Variants in UGT1A6 observed in about 807,000 individuals in gnomAD.
UGT1A6 encodes UDP-glucuronosyltransferase 1A6.
Under a neutral mutation model 44.4 loss-of-function variants are expected in UGT1A6, and 32 were observed. The ratio of observed to expected loss-of-function variants is 0.72; its 90% CI spans 0.54 to 0.97. The LOEUF (loss-of-function observed/expected upper bound fraction) is 0.97, where lower values mean the gene tolerates loss of function less well. Among genes scored for constraint, UGT1A6 ranks in the 50% least tolerant of loss-of-function variants. UGT1A6 has a pLI of 0.00. For synonymous variants in UGT1A6, 238 were observed against 248.5 expected (o/e 0.96, Z 0.40); for missense variants, 685 against 661.9 (o/e 1.03, Z -0.38).
chr2:233,764,840 A>T (rs903559567), intron 1 of UGT1A6, among the ~76,000 whole-genome samples: 2 of 151,474 alleles, frequency 1.3e-5, no homozygotes, highest in African/African-American at 4.9e-5. Flanking sequence ...GGGGAGGATG[A>T]CTCTGTCCTC....
intron 1 of UGT1A6, chr2:233,713,413 T>C (rs749800314): frequency 6.2e-7 from 1 of 1,614,190 alleles, no homozygotes; most frequent in Non-Finnish European, 8.5e-7. Context: ...ATCAGGCACC[T>C]GCATGCTACT....
chr2:233,733,103 T>G lies in UGT1A6; in HGVS notation c.862-33931T>G, dbSNP rs137950812. ...AATGGGAGTTCACTCATGGTTTGGC[T>G]CTGTTTGTCTGTTATTGGTGTATAG... On this transcript the variant is annotated intron_variant, in intron 1 of 4. Coordinates refer to ENST00000305139, the MANE Select transcript of UGT1A6 (RefSeq NM_001072.4). Among the ~76,000 whole-genome samples the G allele has an allele frequency of 9.9e-3, 1,505 of 152,334 alleles. 21 individuals are homozygous for G. Among genetic ancestry groups the G allele is most frequent in the African/African-American group, 0.035 (1,436 of 41,572 alleles).
intron 1 of UGT1A6, chr2:233,754,630 T>C (rs1285371125): frequency 2.2e-6 from 1 of 445,558 alleles, no homozygotes; most frequent in East Asian, 7.0e-5. Flanking sequence ...ACTTCCACCC[T>C]TTCTTGGCCA....
At chr2:233,761,914 T>C (rs28900396) in intron 1 of UGT1A6, among the ~76,000 whole-genome samples, 9,111 of 152,302 alleles carry the variant, frequency 0.06, 854 homozygotes, top group African/African-American at 0.21. Flanking sequence ...GAGGATCTAC[T>C]GGCAGCCCAG....
chr2:233,716,324 A>G (rs1170478675), intron 1 of UGT1A6, among the ~76,000 whole-genome samples: 4 of 152,226 alleles, frequency 2.6e-5, no homozygotes, highest in Non-Finnish European at 5.9e-5. Flanking sequence ...AATGGAATAT[A>G]TTCCCAGGTT....
chr2:233,739,861 AT>A (rs1559383666), intron 1 of UGT1A6, among the ~76,000 whole-genome samples: 1 of 151,974 alleles, frequency 6.6e-6, no homozygotes, highest in African/African-American at 2.4e-5. Context: ...AGAGGGCAGA[AT>A]GATATGATTT....
At chr2:233,748,842 G>A (rs562838283) in intron 1 of UGT1A6, among the ~76,000 whole-genome samples, 4 of 151,506 alleles carry the variant, frequency 2.6e-5, no homozygotes, top group South Asian at 2.1e-4. Context: ...ATAAAACTGT[G>A]AGCGTATAAG....
chr2:233,692,317 A>G (rs1204507929), upstream of UGT1A6: 1 of 153,522 alleles, frequency 6.5e-6, no homozygotes, highest in Non-Finnish European at 1.4e-5. Context: ...TTTGTAATAA[A>G]CCAAACCTAG....
chr2:233,716,876 G>C (rs1278140723), intron 1 of UGT1A6, among the ~76,000 whole-genome samples: 4 of 152,084 alleles, frequency 2.6e-5, no homozygotes, highest in Non-Finnish European at 5.9e-5. Flanking sequence ...AAGTCTATCT[G>C]TGCAGCCCAG....
chr2:233,734,166 G>A (rs959172847), intron 1 of UGT1A6, among the ~76,000 whole-genome samples: 2 of 151,962 alleles, frequency 1.3e-5, no homozygotes, highest in Non-Finnish European at 2.9e-5. Flanking sequence ...GACTTTTTTT[G>A]GTTGGTAGGC....
intron 1 of UGT1A6, chr2:233,743,684 G>A (rs753997745): frequency 1.5e-6 from 2 of 1,367,252 alleles, no homozygotes; most frequent in Non-Finnish European, 2.0e-6. Context: ...CCTGCCGCCT[G>A]TGCAGCCGCC....
At chr2:233,716,708 A>G (rs545816882) in intron 1 of UGT1A6, among the ~76,000 whole-genome samples, 1 of 152,306 alleles carries the variant, frequency 6.6e-6, no homozygotes, top group South Asian at 2.1e-4. Flanking sequence ...TAAAAACACT[A>G]AAGAGTTCCA....
At chr2:233,741,745 T>C (rs1691762813) in intron 1 of UGT1A6, 2 of 151,906 alleles carry the variant, frequency 1.3e-5, no homozygotes, top group African/African-American at 4.9e-5. Context: ...TCACACTCTT[T>C]GTTGGTTAAT....
At position 233,742,072 on chromosome 2, in the gene UGT1A6, G is replaced by A. The variant is rs147639323; in HGVS notation, c.862-24962G>A. The A allele has an allele frequency of 2.6e-5, 4 of 151,962 alleles. 1 individual carries two copies. Among genetic ancestry groups the A allele is most frequent in the African/African-American group, 9.7e-5 (4 of 41,216 alleles). The allele number at this position is 151,962 out of a possible 1,614,324, so 9.4% of individuals were successfully genotyped here. ...GGATAGTTCTGTGTGGCCTTATGGA[G>A]ATCCTTTTTTTACATTTCCAGGACC... On this transcript the variant is annotated intron_variant, in intron 1 of 4. Coordinates refer to ENST00000305139, the MANE Select transcript of UGT1A6 (RefSeq NM_001072.4).
At chr2:233,723,435 C>T (rs1211906407) in intron 1 of UGT1A6, among the ~76,000 whole-genome samples, 2 of 136,680 alleles carry the variant, frequency 1.5e-5, no homozygotes, top group East Asian at 4.4e-4. Context: ...GTCTCGAACT[C>T]CTGACCTCAG....
chr2:233,712,144 G>T (rs2076216635), intron 1 of UGT1A6, among the ~76,000 whole-genome samples: 1 of 152,218 alleles, frequency 6.6e-6, no homozygotes, highest in African/African-American at 2.4e-5. Flanking sequence ...TCAGCATTCA[G>T]AAGAGGAATT....
chr2:233,702,722 A>G (rs2075703020), intron 1 of UGT1A6, among the ~76,000 whole-genome samples: 1 of 152,198 alleles, frequency 6.6e-6, no homozygotes, highest in Non-Finnish European at 1.5e-5. Flanking sequence ...ATTGAAATGA[A>G]CATGGTTTTC....
intron 1 of UGT1A6, among the ~76,000 whole-genome samples, chr2:233,726,813 T>C (rs2077563444): frequency 6.6e-6 from 1 of 152,232 alleles, no homozygotes; most frequent in Non-Finnish European, 1.5e-5. Context: ...GAGGTTTTCC[T>C]CTATTCGACC....
intron 1 of UGT1A6, among the ~76,000 whole-genome samples, chr2:233,736,107 T>G (rs1391401808): frequency 6.6e-6 from 1 of 152,266 alleles, no homozygotes; most frequent in Non-Finnish European, 1.5e-5. Flanking sequence ...AAGAGTGTTT[T>G]CCAACTTGTT....
Sources: allele counts gnomAD v4.1 joint callset (sites outside exome capture counted in the v4.1 genomes callset), GRCh38; gene constraint gnomAD v4.1.1; transcripts MANE v1.5; gene names NCBI Gene and HGNC (gene_info 2026-07-23, HGNC 2026-07-21).